MICU3: variants seen among roughly 807,000 people sequenced by gnomAD.
The protein encoded by MICU3 is calcium uptake protein 3, mitochondrial.
Under a neutral mutation model 66.5 loss-of-function variants are expected in MICU3, and 62 were observed. The observed-to-expected ratio is 0.93, with a 90% CI of 0.76 to 1.15. The LOEUF is 1.15. Ranked by LOEUF, MICU3 falls within the 50% of genes most tolerant of loss-of-function variation. MICU3 has a pLI of 0.00. For synonymous variants in MICU3, 308 were observed against 240.7 expected, an observed-to-expected ratio of 1.28 and a Z score of -2.59; for missense variants, 779 against 664.4, an observed-to-expected ratio of 1.17 and a Z score of -1.90.
intron 1 of MICU3, among the ~76,000 whole-genome samples, chr8:17,054,049 C>A (rs901797953): frequency 8.5e-5 from 13 of 152,174 alleles, no homozygotes; most frequent in Admixed American, 7.9e-4. Flanking sequence ...TCTGCAGGAG[C>A]TTTGCAAGGT....
chr8:17,118,095 A>G (rs574210933), intron 13 of MICU3, among the ~76,000 whole-genome samples: 21 of 152,332 alleles, frequency 1.4e-4, no homozygotes, highest in African/African-American at 4.8e-4. Context: ...ACTTGAAACA[A>G]GTTACATTGA....
intron 1 of MICU3, chr8:17,049,726 C>G (rs368379923): frequency 2.0e-6 from 1 of 491,916 alleles, no homozygotes; most frequent in African/African-American, 2.0e-5. Flanking sequence ...TGGTCCCAGA[C>G]CCATTTGCTG....
At chr8:17,083,703 A>C (rs1223152215) in intron 5 of MICU3, among the ~76,000 whole-genome samples, 1 of 152,026 alleles carries the variant, frequency 6.6e-6, no homozygotes, top group East Asian at 1.9e-4. Context: ...GGGCTACCTG[A>C]GGTTGATCCA....
At chr8:17,037,834 G>A (rs1183620089) in intron 1 of MICU3, among the ~76,000 whole-genome samples, 1 of 152,192 alleles carries the variant, frequency 6.6e-6, no homozygotes, top group African/African-American at 2.4e-5. Context: ...CCTACCTCTT[G>A]GATCAGTGTG....
intron 1 of MICU3, among the ~76,000 whole-genome samples, chr8:17,051,479 A>T (rs3850755): frequency 0.15 from 22,493 of 152,180 alleles, 2,137 homozygotes; most frequent in East Asian, 0.38. Context: ...GCTAGATGAG[A>T]TCATCAAGTG....
At chr8:17,077,644 C>T (rs1442717845) in intron 3 of MICU3, 139 bp from the exon 4 acceptor site, 1 of 530,386 alleles carries the variant, frequency 1.9e-6, no homozygotes, top group East Asian at 3.1e-5. Flanking sequence ...GAATGAACCA[C>T]AGGCATAACA....
At position 17,089,362 on chromosome 8, in the gene MICU3, C is replaced by G. The variant is rs978909220; in HGVS notation, c.850-1184C>G. Among the ~76,000 whole-genome samples the G allele has an allele frequency of 2.0e-5, 3 of 151,856 alleles. No individual in the cohort carries two copies. In the East Asian group the frequency reaches 5.8e-4, roughly 29 times the overall value. On this transcript the variant is annotated intron_variant, in intron 7 of 14. Transcript: ENST00000318063. ...ACATTTTAAATAATGCAAATCTGAACCAGGGAGGTTTTATTTTATATTACT... is the reference window on the plus strand; with the variant it reads ...ACATTTTAAATAATGCAAATCTGAAGCAGGGAGGTTTTATTTTATATTACT...
intron 8 of MICU3, among the ~76,000 whole-genome samples, chr8:17,097,943 A>C (rs1800890309): frequency 6.6e-6 from 1 of 151,756 alleles, no homozygotes; most frequent in South Asian, 2.1e-4. Context: ...CTTTGACTTA[A>C]AACAGGTCTA....
chr8:17,117,751 G>T (rs1802821334), intron 13 of MICU3, among the ~76,000 whole-genome samples: 1 of 151,986 alleles, frequency 6.6e-6, no homozygotes, highest in Admixed American at 6.6e-5. Flanking sequence ...TGGGATTACA[G>T]GTGTGCACAA....
intron 2 of MICU3, among the ~76,000 whole-genome samples, chr8:17,069,270 A>G (rs1456374380): frequency 6.6e-6 from 1 of 152,138 alleles, no homozygotes; most frequent in East Asian, 1.9e-4. Flanking sequence ...ACACTAGTAT[A>G]GCAAAGATCA....
At chr8:17,047,525 A>T (rs141988860) in intron 1 of MICU3, among the ~76,000 whole-genome samples, 75 of 152,348 alleles carry the variant, frequency 4.9e-4, no homozygotes, top group African/African-American at 1.7e-3. Flanking sequence ...AGCAAGATCA[A>T]TAAAAATATT....
At chr8:17,034,121 A>G (rs557690294) in intron 1 of MICU3, among the ~76,000 whole-genome samples, 1 of 152,332 alleles carries the variant, frequency 6.6e-6, no homozygotes, top group Non-Finnish European at 1.5e-5. Context: ...CTCATTTACC[A>G]TTCTGAAAAT....
chr8:17,105,362 A>G lies in MICU3; in HGVS notation c.1086-51A>G. On this transcript the variant is annotated intron_variant, in intron 10 of 14. Coordinates refer to ENST00000318063, the MANE Select transcript of MICU3 (RefSeq NM_181723.3). ...AGTGAGTATTTGCTCATCTCCTGTT[A>G]CGATTACTCTTTCTTTATCTTTTTC... The G allele has an allele frequency of 3.5e-6, 4 of 1,131,904 alleles. No individual in the cohort carries two copies. In the South Asian group the frequency reaches 5.9e-5, roughly 17 times the overall value. The allele number at this position is 1,131,904 out of a possible 1,614,324, so 70.1% of individuals were successfully genotyped here. A position where few individuals can be genotyped will look rare whatever the true frequency, so the allele number is the denominator to read the frequency against.
At chr8:17,115,313 A>C (rs1204133005) in intron 12 of MICU3, among the ~76,000 whole-genome samples, 3 of 152,214 alleles carry the variant, frequency 2.0e-5, no homozygotes, top group African/African-American at 7.2e-5. Context: ...TCTGTAGTCT[A>C]GATGTTCAAA....
intron 1 of MICU3, among the ~76,000 whole-genome samples, chr8:17,048,658 C>T (rs897303072): frequency 6.6e-6 from 1 of 152,208 alleles, no homozygotes; most frequent in Non-Finnish European, 1.5e-5. Flanking sequence ...CTCTGTCACC[C>T]AGGCTGGAGT....
At chr8:17,091,399 A>C (rs548459849) in intron 8 of MICU3, among the ~76,000 whole-genome samples, 9 of 152,064 alleles carry the variant, frequency 5.9e-5, no homozygotes, top group Non-Finnish European at 1.0e-4. Flanking sequence ...AAATTCCACC[A>C]TAGGAGCCCT....
At chr8:17,132,149 C>T in the MICU3 span, 1 of 152,188 alleles carries the variant, frequency 6.6e-6, no homozygotes, top group Admixed American at 6.5e-5. Context: ...TGAATTTAAC[C>T]TCTAGCAACT....
chr8:17,116,920 G>A (rs1428609019), intron 13 of MICU3, among the ~76,000 whole-genome samples: 5 of 151,966 alleles, frequency 3.3e-5, no homozygotes, highest in East Asian at 3.8e-4. Flanking sequence ...TTAGCTTTTC[G>A]GACTTGTTAC....
At chr8:17,044,714 C>T (rs1000416809) in intron 1 of MICU3, among the ~76,000 whole-genome samples, 3 of 152,192 alleles carry the variant, frequency 2.0e-5, no homozygotes, top group Non-Finnish European at 2.9e-5. Context: ...GCCTGTTTCT[C>T]CTTACAGTTG....
Sources: allele counts gnomAD v4.1 joint callset (sites outside exome capture counted in the v4.1 genomes callset), GRCh38; gene constraint gnomAD v4.1.1; transcripts MANE v1.5; gene names NCBI Gene and HGNC (gene_info 2026-07-23, HGNC 2026-07-21).